Variants in MED13 observed in about 807,000 individuals in gnomAD.
The protein encoded by MED13 is mediator of RNA polymerase II transcription subunit 13.
MED13 carries 23 observed loss-of-function variants against 225.2 expected under a neutral mutation model. The ratio of observed to expected loss-of-function variants is 0.10; its 90% confidence interval spans 0.07 to 0.14. The LOEUF (loss-of-function observed/expected upper bound fraction) is 0.14, where lower values mean the gene tolerates loss of function less well. Ranked by LOEUF, MED13 falls within the 10% of genes least tolerant of loss-of-function variation. The probability of loss-of-function intolerance (pLI) is 1.00; values close to 1 mark genes in which losing one functional copy is unlikely to be tolerated. For missense variants in MED13, 2,197 were observed against 2,594.5 expected, an observed-to-expected ratio of 0.85 and a Z score of 3.33; for synonymous variants, 942 against 889.2, an observed-to-expected ratio of 1.06 and a Z score of -1.06.
In MED13 at chr17:61,960,850, T is replaced by C. The variant is rs749382247; in HGVS notation, c.5480+17A>G. ...TACAAATGGAATGATATGATATATT[T>C]AGGGAAATACAAATACCTATTTGGA... On this transcript the variant is annotated intron_variant, in intron 23 of 29. Transcript: ENST00000397786. The C allele has an allele frequency of 3.3e-6, 5 of 1,509,092 alleles. No individual in the cohort carries two copies. The highest frequency in any genetic ancestry group is 1.4e-5 in the African/African-American group (1 of 72,552). 93.5% of individuals were successfully genotyped at this position (1,509,092 alleles called of 1,614,324 possible). A position where few individuals can be genotyped will look rare whatever the true frequency, so the allele number is the denominator to read the frequency against.
rs750078729 is a variant in MED13, at chr17:62,035,489, G to A, written c.590C>T (p.Ala197Val). Residue 197 changes from alanine to valine, a missense_variant, in exon 4 of 30, where the codon GCT (alanine) becomes GTT (valine). Ala to Val is a moderately conservative substitution (Grantham distance 64). Around this residue, in one of 12 missense-constraint regions of MED13, gnomAD observed 884 missense variants for 918.5 expected, o/e 0.96. Coordinates refer to ENST00000397786, the MANE Select transcript of MED13 (RefSeq NM_005121.3). Reference protein sequence around the residue: ...YLLSEEHITLAQQSNSPFQVI... With the variant: ...YLLSEEHITLVQQSNSPFQVI... The stretch of plus-strand genomic sequence containing the variant: ...TTGAAATGGGCTATTAGACTGTTGA[G>A]CAAGGGTGATATGCTCTTCACTGAG... The A allele has an allele frequency of 1.2e-6, 2 of 1,612,358 alleles. No individual in the cohort carries two copies. Among genetic ancestry groups the A allele is most frequent in the Middle Eastern group, 1.7e-4 (1 of 5,950 alleles).
chr17:61,950,665 T>A (rs2079889126), intron 28 of MED13, among the ~76,000 whole-genome samples, 160 bp downstream of exon 28: 1 of 152,250 alleles, frequency 6.6e-6, no homozygotes, highest in African/African-American at 2.4e-5. Context: ...ATTACAGGCG[T>A]GAGCCACCGT....
Position 61,982,366 on chromosome 17 carries a change from T to C in MED13, c.3637A>G (p.Lys1213Glu), listed in dbSNP as rs770487273. 1 of 1,614,214 alleles carries C rather than the reference T, an allele frequency of 6.2e-7. No homozygotes were observed. The highest frequency in any genetic ancestry group is 2.2e-5 in the East Asian group (1 of 44,890). ...ACCCAATTGCTAATTACACCACTTT[T>C]AGGAAAAGGATCTTGGTCTGCTGCT... Reference protein sequence around the residue: ...FGAADQDPFPKSGVISNWVRV... With the variant: ...FGAADQDPFPESGVISNWVRV... The change falls in exon 16 of 30, where the codon AAA becomes GAA. Residue 1213 changes from lysine to glutamate, a missense_variant. By Grantham distance (56) the Lys-to-Glu change is moderately conservative. Coordinates refer to ENST00000397786, the MANE Select transcript of MED13 (RefSeq NM_005121.3).
intron 9 of MED13, chr17:62,004,349 G>A (rs2080425431): frequency 6.6e-6 from 1 of 152,304 alleles, no homozygotes; most frequent in Admixed American, 6.5e-5. Context: ...TATATGCTAA[G>A]AAGAAATTAA....
At chr17:62,000,553 A>T (rs1013647118) in intron 9 of MED13, among the ~76,000 whole-genome samples, 22 of 152,220 alleles carry the variant, frequency 1.4e-4, no homozygotes, top group Non-Finnish European at 1.5e-5. Context: ...TATTTCTATC[A>T]TCTAATTAAG....
Position 62,024,309 on chromosome 17 carries a change from C to T in MED13, c.1283+5232G>A, listed in dbSNP as rs146843606. Among the ~76,000 whole-genome samples, 782 of 152,262 alleles carry T rather than the reference C, an allele frequency of 5.1e-3. 6 individuals carry two copies. Among genetic ancestry groups the T allele is most frequent in the African/African-American group, 0.017 (722 of 41,542 alleles). ...CTGGGATTACAGGCATAAGCCACTG[C>T]GCCTGGACAAGAGAAAACAACTTTT... On this transcript the variant is annotated intron_variant, in intron 8 of 29. Transcript: ENST00000397786.
At chr17:62,046,943 T>C (rs985002350) in intron 3 of MED13, among the ~76,000 whole-genome samples, 3 of 151,480 alleles carry the variant, frequency 2.0e-5, no homozygotes, top group East Asian at 1.9e-4. Context: ...GCAGCCTCAA[T>C]CTTCTGAGCT....
At position 62,048,739 on chromosome 17, in the gene MED13, A is replaced by G. The variant is rs564778129; in HGVS notation, c.470+3798T>C. 3.3e-5 allele frequency among the ~76,000 whole-genome samples: 5 copies of G among 152,270 alleles called. No individual in the cohort carries two copies. The South Asian group carries it at 1.0e-3, about 32-fold the overall frequency. Reference sequence around the variant, plus strand: ...GGAAAACTACTTAAGCAGGTGACAGAGCGTACAAATACTGGCAGGTGGGTG... The same window carrying G: ...GGAAAACTACTTAAGCAGGTGACAGGGCGTACAAATACTGGCAGGTGGGTG... On this transcript the variant is annotated intron_variant, in intron 3 of 29. Transcript: ENST00000397786.
At chr17:61,962,623 A>C in intron 21 of MED13, 129 bp downstream of exon 21, 1 of 654,462 alleles carries the variant, frequency 1.5e-6, no homozygotes, top group South Asian at 2.2e-5. Flanking sequence ...TATGATATTA[A>C]AGTAAAATCA....
chr17:62,041,617 C>A (rs759364931), intron 3 of MED13, among the ~76,000 whole-genome samples: 1 of 152,024 alleles, frequency 6.6e-6, no homozygotes, highest in South Asian at 2.1e-4. Flanking sequence ...TGCTCTGTCA[C>A]TCAGGCTGGA....
At chr17:61,996,096 T>C (rs911146974) in intron 9 of MED13, among the ~76,000 whole-genome samples, 31 of 151,816 alleles carry the variant, frequency 2.0e-4, no homozygotes, top group African/African-American at 6.3e-4. Context: ...AACAAGGAAG[T>C]TGGAAAGATG....
chr17:61,974,438 A>T lies in MED13; in HGVS notation c.3806-1550T>A, dbSNP rs554316481. Among the ~76,000 whole-genome samples the T allele has an allele frequency of 4.1e-4, 62 of 152,288 alleles. 1 individual carries two copies. The highest frequency in any genetic ancestry group is 1.5e-3 in the African/African-American group (61 of 41,556). The stretch of plus-strand genomic sequence containing the variant: ...AATAAATAAAGATGATCACAAAAAA[A>T]TACCTATCAAGTACTATGCTTATTA... On this transcript the variant is annotated intron_variant, in intron 16 of 29. Transcript: ENST00000397786.
At chr17:61,947,867 T>A (rs1366023893) in intron 28 of MED13, among the ~76,000 whole-genome samples, 2 of 152,228 alleles carry the variant, frequency 1.3e-5, no homozygotes, top group East Asian at 3.8e-4. Flanking sequence ...ATGGTGATGT[T>A]CACTGCAGTA....
At position 62,031,629 on chromosome 17, in the gene MED13, C is replaced by T; in HGVS notation, c.824G>A (p.Arg275Gln). ...AACAAAGCATGCTGGGTAGATCATT[C>T]GGACACCAGCTGAAAGGAAAAAAAT... ...AAVEVLVAGV[R>Q]MIYPACFVLV... Residue 275 changes from arginine to glutamine, a missense_variant, in exon 6 of 30, where the codon CGA becomes CAA. Physicochemically the swap from Arg to Gln is conservative, Grantham distance 43. Transcript: ENST00000397786. The T allele has an allele frequency of 6.4e-7, 1 of 1,554,458 alleles. No individual in the cohort carries two copies. The highest frequency in any genetic ancestry group is 8.7e-7 in the Non-Finnish European group (1 of 1,149,682).
At position 62,000,677 on chromosome 17, in the gene MED13, T is replaced by A. The variant is rs183395979; in HGVS notation, c.1968-5312A>T. ...CCTATACAGATTTCCTTTGCTTATT[T>A]AAGTGGATATGCCATTATTATTTAG... On this transcript the variant is annotated intron_variant, in intron 9 of 29. Transcript: ENST00000397786. 1.6e-4 allele frequency among the ~76,000 whole-genome samples: 25 copies of A among 152,350 alleles called. No individual in the cohort carries two copies. The East Asian group carries it at 4.6e-3, about 28-fold the overall frequency.
chr17:61,972,992 G>T, intron 16 of MED13, 104 bp from the exon 17 acceptor site: 1 of 852,646 alleles, frequency 1.2e-6, no homozygotes, highest in Non-Finnish European at 1.8e-6. Context: ...CAGGTCTTCA[G>T]CATCAAGAAG....
intron 16 of MED13, among the ~76,000 whole-genome samples, chr17:61,976,414 G>A (rs1170833651): frequency 1.3e-5 from 2 of 152,094 alleles, no homozygotes; most frequent in Admixed American, 6.6e-5. Flanking sequence ...AAGGTTGGAC[G>A]GAAAAAGGGA....
In MED13 at chr17:61,982,853, T is replaced by G; in HGVS notation, c.3150A>C (p.Thr1050=). The G allele has an allele frequency of 6.2e-7, 1 of 1,614,186 alleles. No individual in the cohort carries two copies. The highest frequency in any genetic ancestry group is 2.2e-5 in the East Asian group (1 of 44,886). ...DLYSPASTPS[T]CRPLNSVEPA... is the part of the protein sequence containing the mutation. Reference sequence around the variant, plus strand: ...GTTCAACAGAATTAAGGGGTCTGCATGTAGATGGGGTAGAAGCTGGTGAAT... The same window carrying G: ...GTTCAACAGAATTAAGGGGTCTGCAGGTAGATGGGGTAGAAGCTGGTGAAT... Residue 1050 remains threonine, a synonymous_variant, in exon 16 of 30, where the codon ACA becomes ACC. Transcript: ENST00000397786.
At chr17:62,040,886 T>G (rs569168686) in intron 3 of MED13, among the ~76,000 whole-genome samples, 1 of 151,744 alleles carries the variant, frequency 6.6e-6, no homozygotes, top group African/African-American at 2.4e-5. Flanking sequence ...AAATAACAAG[T>G]GTTGATGAGG....
Sources: allele counts gnomAD v4.1 joint callset (sites outside exome capture counted in the v4.1 genomes callset), GRCh38; gene constraint gnomAD v4.1.1; regional missense constraint gnomAD v4.1.1; transcripts MANE v1.5; gene names NCBI Gene and HGNC (gene_info 2026-07-23, HGNC 2026-07-21).